The following TTC7A variants were observed in gnomAD, a reference collection of about 807,000 sequenced individuals.
TTC7A encodes tetratricopeptide repeat domain 7A.
A neutral mutation model predicts 103.7 loss-of-function variants in TTC7A; 110 were observed. That is an observed-to-expected ratio of 1.06 (90% CI 0.91 to 1.24). The LOEUF is 1.24. Ranked by LOEUF, TTC7A falls within the 50% of genes most tolerant of loss-of-function variation. The pLI, the probability that TTC7A is intolerant of heterozygous loss-of-function variation, is 0.00. For synonymous variants in TTC7A, 521 were observed against 467.9 expected (o/e 1.11, Z -1.47); for missense variants, 1,340 against 1,116.3 (o/e 1.20, Z -2.86).
chr2:46,927,656 G>A lies in TTC7A; in HGVS notation c.82+10379G>A, dbSNP rs550730174. On this transcript the variant is annotated intron_variant, in intron 2 of 20. Coordinates refer to the TTC7A transcript ENST00000409245. The stretch of plus-strand genomic sequence containing the variant: ...ATTACAGGCATGAGCTACCGCGCCC[G>A]GCAAAAAAAAGATTATTATTAAAGG... Among the ~76,000 whole-genome samples, 16 of 150,928 alleles carry A rather than the reference G, an allele frequency of 1.1e-4. No homozygotes were observed. The East Asian group carries it at 1.4e-3, about 13-fold the overall frequency.
chr2:46,994,532 T>G lies in TTC7A; in HGVS notation c.1001+18T>G. 1 of 1,612,264 alleles carries G rather than the reference T, an allele frequency of 6.2e-7. No individual in the cohort carries two copies. The highest frequency in any genetic ancestry group is 8.5e-7 in the Non-Finnish European group (1 of 1,178,850). ...GGAGACAAGTAAGTTCTGCCTGCCC[T>G]GCTGCACCTTGCCAGTCTCACATCT... On this transcript the variant is annotated intron_variant, in intron 7 of 19. Coordinates refer to ENST00000319190, the MANE Select transcript of TTC7A (RefSeq NM_020458.4).
chr2:47,054,827 C>A (rs764825868), intron 18 of TTC7A, among the ~76,000 whole-genome samples: 3 of 140,380 alleles, frequency 2.1e-5, no homozygotes, highest in Non-Finnish European at 4.6e-5. Context: ...GGGAGTGAGA[C>A]CCTGTCTCAA....
chr2:46,946,391 C>G (rs1670940673), intron 1 of TTC7A, among the ~76,000 whole-genome samples: 1 of 152,086 alleles, frequency 6.6e-6, no homozygotes. Context: ...ACAGGGAAGC[C>G]TTTATCCACC....
intron 10 of TTC7A, among the ~76,000 whole-genome samples, chr2:47,009,902 T>TG (rs1677847893): frequency 3.1e-5 from 3 of 95,558 alleles, no homozygotes; most frequent in Non-Finnish European, 4.5e-5. Flanking sequence ...TTTTTTTTTT[T>TG]TGGTGGTGGG....
intron 1 of TTC7A, among the ~76,000 whole-genome samples, chr2:46,945,507 C>G (rs1345671742): frequency 6.6e-6 from 1 of 152,242 alleles, no homozygotes; most frequent in Non-Finnish European, 1.5e-5. Context: ...CTCGGCCTCC[C>G]GAAGTGCTGG....
At chr2:47,025,978 TG>T (rs1361836382) in intron 14 of TTC7A, among the ~76,000 whole-genome samples, 1 of 152,244 alleles carries the variant, frequency 6.6e-6, no homozygotes, top group Admixed American at 6.5e-5. Context: ...CCTTTGGTGA[TG>T]CATTTTTTAA....
chr2:47,009,506 T>TC (rs1205322071), intron 10 of TTC7A, among the ~76,000 whole-genome samples: 3 of 151,996 alleles, frequency 2.0e-5, no homozygotes, highest in Middle Eastern at 3.2e-3. Flanking sequence ...GGGAAATCTA[T>TC]CACGTCTGGG....
intron 8 of TTC7A, among the ~76,000 whole-genome samples, chr2:46,997,669 C>T (rs186943329): frequency 7.2e-5 from 11 of 152,300 alleles, no homozygotes; most frequent in Non-Finnish European, 1.3e-4. Context: ...TGGTACTTCC[C>T]TTGCCCACTG....
At chr2:46,951,733 A>G (rs1403168969) in intron 2 of TTC7A, 2 of 451,032 alleles carry the variant, frequency 4.4e-6, no homozygotes, top group African/African-American at 4.0e-5. Context: ...GCTATTCCAA[A>G]GTAATATATT....
At chr2:47,003,020 C>T (rs188286347) in intron 8 of TTC7A, among the ~76,000 whole-genome samples, 81 of 152,186 alleles carry the variant, frequency 5.3e-4, no homozygotes, top group Non-Finnish European at 1.1e-3. Flanking sequence ...ATGCTCCTCT[C>T]TTCTGTTCCT....
At position 47,073,727 on chromosome 2, in the gene TTC7A, A is replaced by G. The variant is rs566535482; in HGVS notation, c.2381A>G (p.His794Arg). The change falls in exon 20 of 20, where the codon CAC becomes CGC. Residue 794 changes from histidine to arginine, a missense_variant. Transcript: ENST00000319190. The part of the protein sequence containing the change: ...SLGLMLSRLG[H>R]KSLAQKVLRD... The stretch of plus-strand genomic sequence containing the variant: ...GGTCTGATGCTGAGTCGGCTGGGCC[A>G]CAAGAGCTTGGCCCAGAAGGTGCTT... 6 of 1,612,922 alleles carry G rather than the reference A, an allele frequency of 3.7e-6. No individual in the cohort carries two copies. The African/African-American group carries it at 6.7e-5, about 18-fold the overall frequency.
intron 5 of TTC7A, among the ~76,000 whole-genome samples, chr2:46,992,971 G>A (rs549400312): frequency 1.3e-5 from 2 of 152,340 alleles, no homozygotes; most frequent in African/African-American, 2.4e-5. Context: ...TGAAAGTGGC[G>A]AGACTGGCTG....
chr2:46,974,073 T>C (rs1426100152), intron 3 of TTC7A, among the ~76,000 whole-genome samples: 2 of 152,176 alleles, frequency 1.3e-5, no homozygotes, highest in Non-Finnish European at 2.9e-5. Context: ...GCAGTCCTCA[T>C]AGGGGCCACC....
At chr2:46,917,311 G>A (rs746180259) in intron 2 of TTC7A, 3 of 644,380 alleles carry the variant, frequency 4.7e-6, no homozygotes, top group South Asian at 1.7e-5. Flanking sequence ...GAATCCCTAA[G>A]TTTTGAGGAA....
chr2:47,033,219 A>G (rs936495538), intron 15 of TTC7A, among the ~76,000 whole-genome samples: 5 of 152,326 alleles, frequency 3.3e-5, no homozygotes, highest in African/African-American at 7.2e-5. Flanking sequence ...TAATTAAACA[A>G]CCGGTCCGGT....
chr2:47,038,431 G>A (rs539862386), intron 15 of TTC7A, among the ~76,000 whole-genome samples: 1 of 152,138 alleles, frequency 6.6e-6, no homozygotes, highest in Non-Finnish European at 1.5e-5. Context: ...CTGGCCTCCT[G>A]GCCAAGGAAT....
intron 18 of TTC7A, chr2:47,054,110 A>G (rs1227439363): frequency 1.0e-6 from 1 of 985,266 alleles, no homozygotes; most frequent in Non-Finnish European, 1.2e-6. Flanking sequence ...ACAGAAGAGA[A>G]CTCCGAGAAC....
In TTC7A at chr2:47,021,986, G is replaced by T. The variant is rs1292669120; in HGVS notation, c.1510+7G>T. 5.6e-6 allele frequency: 9 copies of T among 1,601,456 alleles called. 1 individual carries two copies. The South Asian group carries it at 9.9e-5, about 18-fold the overall frequency. On this transcript the variant is annotated splice_region_variant and intron_variant, in intron 12 of 19. Coordinates refer to ENST00000319190, the MANE Select transcript of TTC7A (RefSeq NM_020458.4). Reference sequence around the variant, plus strand: ...AGCCTGCAGGCCACCGACGGTGAGTGCCAGGCCCCAGGAGGCCTCTACTTG... The same window carrying T: ...AGCCTGCAGGCCACCGACGGTGAGTTCCAGGCCCCAGGAGGCCTCTACTTG...
At chr2:47,051,942 C>G in intron 18 of TTC7A, 62 bp downstream of exon 18, 1 of 1,541,598 alleles carries the variant, frequency 6.5e-7, no homozygotes, top group Non-Finnish European at 8.8e-7. Context: ...GCTCTCAGAG[C>G]CCTGTCCTGG....
Sources: gnomAD v4.1 joint callset for allele counts (sites outside exome capture counted in the v4.1 genomes callset) on GRCh38, gnomAD v4.1.1 for gene constraint, MANE v1.5 for transcripts, NCBI Gene and HGNC (gene_info 2026-07-23, HGNC 2026-07-21) for gene names.